NEK10: variants seen among roughly 807,000 people sequenced by gnomAD.
The protein encoded by NEK10 is NIMA related kinase 10.
A neutral mutation model predicts 159.8 loss-of-function variants in NEK10; 122 were observed. The ratio of observed to expected loss-of-function variants is 0.76; its 90% confidence interval spans 0.66 to 0.89. The LOEUF (loss-of-function observed/expected upper bound fraction) is 0.89. NEK10 is among the 40% of genes least tolerant of loss of function. NEK10 has a pLI of 0.00. For synonymous variants in NEK10, 466 were observed against 457.1 expected (o/e 1.02, Z -0.25); for missense variants, 1,342 against 1,323.1 (o/e 1.01, Z -0.22).
chr3:27,348,160 A>G (rs1038297354), intron 3 of NEK10, among the ~76,000 whole-genome samples: 1 of 152,188 alleles, frequency 6.6e-6, no homozygotes, highest in African/African-American at 2.4e-5. Context: ...ATTTTCCCAT[A>G]TTATACTCAA....
chr3:27,253,914 AG>A (rs1454326107), intron 23 of NEK10, among the ~76,000 whole-genome samples: 11 of 152,272 alleles, frequency 7.2e-5, no homozygotes, highest in Admixed American at 5.9e-4. Flanking sequence ...TCATACCTCA[AG>A]CAATGGCCCT....
intron 23 of NEK10, chr3:27,252,313 CAA>C: frequency 2.3e-6 from 1 of 443,216 alleles, no homozygotes; most frequent in Non-Finnish European, 4.5e-6. Flanking sequence ...GGCATTTAAG[CAA>C]AGAGCAGAAT....
intron 25 of NEK10, among the ~76,000 whole-genome samples, chr3:27,196,918 G>T (rs1949609385): frequency 6.6e-6 from 1 of 152,104 alleles, no homozygotes; most frequent in Non-Finnish European, 1.5e-5. Flanking sequence ...TAGCAACAAG[G>T]CATGATCCAG....
At chr3:27,254,838 G>T (rs529732058) in intron 23 of NEK10, among the ~76,000 whole-genome samples, 1 of 151,936 alleles carries the variant, frequency 6.6e-6, no homozygotes, top group Admixed American at 6.6e-5. Flanking sequence ...ATGTGAAGCC[G>T]TGTTTGCGCT....
intron 22 of NEK10, among the ~76,000 whole-genome samples, chr3:27,261,991 C>T (rs1434548779): frequency 6.6e-6 from 1 of 152,100 alleles, no homozygotes; most frequent in East Asian, 1.9e-4. Flanking sequence ...CCTTCTTTGT[C>T]TCTTTTGTTC....
At chr3:27,206,728 G>T in intron 23 of NEK10, 1 of 509,218 alleles carries the variant, frequency 2.0e-6, no homozygotes, top group Non-Finnish European at 2.5e-6. Flanking sequence ...TAAAGCAGTG[G>T]ACTCTAAACA....
chr3:27,279,707 C>T (rs999633179), intron 22 of NEK10, among the ~76,000 whole-genome samples: 1 of 152,036 alleles, frequency 6.6e-6, no homozygotes, highest in South Asian at 2.1e-4. Context: ...ATGCCCTAAC[C>T]ACACAATTGC....
At chr3:27,246,251 A>G (rs1470660579) in intron 23 of NEK10, among the ~76,000 whole-genome samples, 1 of 152,158 alleles carries the variant, frequency 6.6e-6, no homozygotes, top group East Asian at 1.9e-4. Flanking sequence ...TCAGGGGTAC[A>G]TCTGCAGGTT....
chr3:27,253,691 G>C (rs139288058), intron 23 of NEK10, among the ~76,000 whole-genome samples: 27 of 152,182 alleles, frequency 1.8e-4, no homozygotes, highest in African/African-American at 5.3e-4. Flanking sequence ...AATGACATGG[G>C]GACATCAAAC....
At chr3:27,150,924 A>G (rs1273455791) in intron 30 of NEK10, among the ~76,000 whole-genome samples, 1 of 152,116 alleles carries the variant, frequency 6.6e-6, no homozygotes, top group African/African-American at 2.4e-5. Context: ...TCCTGAGAGG[A>G]TTCACAGACC....
Position 27,141,506 on chromosome 3 carries a change from C to A in NEK10, c.2946G>T (p.Leu982=). ...SDPIQQILIQ[L]HKIIYITQLP... ...CCTGTGTGATATAGATTATTTTGTGCAGCTGAATTAATATCTGCTGAATAG... is the reference window on the plus strand; with the variant it reads ...CCTGTGTGATATAGATTATTTTGTGAAGCTGAATTAATATCTGCTGAATAG... The change falls in exon 31 of 36, where the codon CTG becomes CTT. Residue 982 remains leucine (L), a synonymous_variant. Coordinates refer to ENST00000691995, the MANE Select transcript of NEK10 (RefSeq NM_001394966.1). 4 of 1,612,510 alleles carry A rather than the reference C, an allele frequency of 2.5e-6. No homozygotes were observed. The highest frequency in any genetic ancestry group is 3.4e-6 in the Non-Finnish European group (4 of 1,178,970).
chr3:27,368,321 A>T (rs1350945806), intron 1 of NEK10, among the ~76,000 whole-genome samples: 40 of 142,170 alleles, frequency 2.8e-4, no homozygotes, highest in Non-Finnish European at 8.9e-5. Flanking sequence ...AGGACTCCAT[A>T]TATATATATA....
intron 29 of NEK10, among the ~76,000 whole-genome samples, chr3:27,170,872 C>G (rs1387652233): frequency 6.6e-6 from 1 of 152,162 alleles, no homozygotes; most frequent in Non-Finnish European, 1.5e-5. Flanking sequence ...AGGCCCACTC[C>G]TCTGGCTCTG....
At chr3:27,344,043 A>G (rs1293450293) in intron 5 of NEK10, among the ~76,000 whole-genome samples, 2 of 152,222 alleles carry the variant, frequency 1.3e-5, no homozygotes, top group Non-Finnish European at 2.9e-5. Context: ...TAAAGAAAAC[A>G]TGATAACGAG....
intron 28 of NEK10, 143 bp from the exon 29 acceptor site, chr3:27,172,016 A>G: frequency 5.5e-6 from 5 of 909,218 alleles, no homozygotes; most frequent in Non-Finnish European, 8.1e-6. Flanking sequence ...GTGGGACTGT[A>G]AATTAGTGTA....
intron 23 of NEK10, among the ~76,000 whole-genome samples, chr3:27,225,729 C>A (rs529271155): frequency 9.2e-5 from 14 of 152,286 alleles, no homozygotes; most frequent in African/African-American, 3.4e-4. Flanking sequence ...ACCACCCTTT[C>A]CCCTGGCCCA....
At chr3:27,122,866 A>T (rs1338969774) in intron 32 of NEK10, among the ~76,000 whole-genome samples, 1 of 152,162 alleles carries the variant, frequency 6.6e-6, no homozygotes, top group African/African-American at 2.4e-5. Context: ...GGTTCATCTC[A>T]AACTCTGAAG....
Position 27,162,500 on chromosome 3 carries a change from T to A in NEK10, c.2869+201A>T, listed in dbSNP as rs774636511. 6 of 1,614,156 alleles carry A rather than the reference T, an allele frequency of 3.7e-6. No individual in the cohort carries two copies. In the Admixed American group the frequency reaches 1.0e-4, roughly 27 times the overall value. On this transcript the variant is annotated intron_variant, in intron 30 of 35. Transcript: ENST00000691995. ...TTTCGAAGAATCACAGCAGGAAGGC[T>A]ATGGGACTGCCACCCTGTCACTAAC...
At chr3:27,219,807 G>A (rs1951907987) in intron 23 of NEK10, among the ~76,000 whole-genome samples, 1 of 152,100 alleles carries the variant, frequency 6.6e-6, no homozygotes, top group Non-Finnish European at 1.5e-5. Flanking sequence ...CAGGTGCTAT[G>A]ATATTTTGTG....
Sources: allele counts gnomAD v4.1 joint callset (sites outside exome capture counted in the v4.1 genomes callset), GRCh38; gene constraint gnomAD v4.1.1; transcripts MANE v1.5; gene names NCBI Gene and HGNC (gene_info 2026-07-23, HGNC 2026-07-21).